Variants in CSMD1 observed in about 807,000 individuals in gnomAD.
CSMD1 encodes CUB and Sushi multiple domains 1.
In CSMD1, 213 loss-of-function variants were observed where a neutral mutation model predicts 417.5. That is an observed-to-expected ratio of 0.51 (90% CI 0.46 to 0.57). The LOEUF is 0.57. Ranked by LOEUF, CSMD1 falls within the 20% of genes least tolerant of loss-of-function variation. The probability of loss-of-function intolerance (pLI) is 0.00; values close to 1 mark genes in which losing one functional copy is unlikely to be tolerated. For synonymous variants in CSMD1, 2,862 were observed against 1,736.8 expected (o/e 1.65, Z -16.11); for missense variants, 6,923 against 4,529.7 (o/e 1.53, Z -15.17).
chr8:3,002,887 A>G lies in CSMD1; in HGVS notation c.8030-2756T>C, dbSNP rs533561994. On this transcript the variant is annotated intron_variant, in intron 52 of 69. Transcript: ENST00000635120. The stretch of plus-strand genomic sequence containing the variant: ...CTGAGGAATTGGCACCAAATGCCTA[A>G]AGAAAACAGAGGATGTCCTTCAAAA... Among the ~76,000 whole-genome samples, 13 of 152,318 alleles carry G rather than the reference A, an allele frequency of 8.5e-5. No individual in the cohort carries two copies. The East Asian group carries it at 2.3e-3, about 27-fold the overall frequency.
chr8:4,662,137 A>T (rs1042215915), intron 1 of CSMD1, among the ~76,000 whole-genome samples: 11 of 152,172 alleles, frequency 7.2e-5, no homozygotes, highest in African/African-American at 2.7e-4. Context: ...ATTGCAGTAC[A>T]ATATATAAAT....
rs191052189 is a variant in CSMD1 at position 3,843,904 on chromosome 8, C to T, written c.819-89862G>A. Among the ~76,000 whole-genome samples, 22 of 152,198 alleles carry T rather than the reference C, an allele frequency of 1.4e-4. No individual in the cohort carries two copies. The East Asian group carries it at 4.3e-3, about 29-fold the overall frequency. On this transcript the variant is annotated intron_variant, in intron 5 of 69. Coordinates refer to ENST00000635120, the MANE Select transcript of CSMD1 (RefSeq NM_033225.6). ...ACAATTTAGAGTAACGTAATTTACA[C>T]CCAGCAGAACTTTCCATTGCATGCG... is the stretch of plus-strand genomic sequence containing the variant.
intron 12 of CSMD1, among the ~76,000 whole-genome samples, chr8:3,412,252 G>T (rs1310787448): frequency 6.6e-6 from 1 of 151,146 alleles, no homozygotes; most frequent in African/African-American, 2.4e-5. Context: ...ATGGGCATTT[G>T]GGTTGGTTCC....
chr8:3,564,848 A>C (rs1466925325), intron 10 of CSMD1, among the ~76,000 whole-genome samples: 1 of 152,026 alleles, frequency 6.6e-6, no homozygotes, highest in Non-Finnish European at 1.5e-5. Flanking sequence ...AAAAAGTTGC[A>C]ACTGTTAAGC....
chr8:3,670,652 A>G (rs1190974614), intron 7 of CSMD1, among the ~76,000 whole-genome samples: 1 of 132,584 alleles, frequency 7.5e-6, no homozygotes, highest in Non-Finnish European at 1.7e-5. Context: ...TGAAGGATAT[A>G]TACATGGGAT....
At position 4,599,510 on chromosome 8, in the gene CSMD1, GT is replaced by G. The variant is rs577419625; in HGVS notation, c.302+37831del. ...AACTTCTAAATTATATAAACCATCA[GT>G]TTTTTTTTTTACACTAAGTGCACAA... is the stretch of plus-strand genomic sequence containing the variant. On this transcript the variant is annotated intron_variant, in intron 2 of 69. Transcript: ENST00000635120. Among the ~76,000 whole-genome samples, 240 of 143,780 alleles carry G rather than the reference GT, an allele frequency of 1.7e-3. 1 individual carries two copies. Among genetic ancestry groups the G allele is most frequent in the East Asian group, 3.8e-3 (19 of 4,970 alleles). The allele number at this position is 143,780 out of a possible 152,430, so 94.3% of individuals were successfully genotyped here.
chr8:4,195,012 C>A (rs147550700), intron 3 of CSMD1, among the ~76,000 whole-genome samples: 1 of 151,770 alleles, frequency 6.6e-6, no homozygotes, highest in African/African-American at 2.4e-5. Context: ...CATCTCTTCA[C>A]ATTGTAACTT....
chr8:3,421,307 T>C (rs1410288863), intron 12 of CSMD1, among the ~76,000 whole-genome samples: 1 of 152,146 alleles, frequency 6.6e-6, no homozygotes, highest in East Asian at 1.9e-4. Context: ...AACAGTTGGA[T>C]ATAGGACGAG....
intron 3 of CSMD1, among the ~76,000 whole-genome samples, chr8:4,367,368 T>C (rs949531875): frequency 5.9e-5 from 9 of 152,130 alleles, no homozygotes; most frequent in African/African-American, 2.2e-4. Flanking sequence ...CACGTGATTG[T>C]AGGTGTATGG....
At chr8:3,108,450 G>A (rs1167090346) in intron 44 of CSMD1, among the ~76,000 whole-genome samples, 153 bp downstream of exon 44, 1 of 152,090 alleles carries the variant, frequency 6.6e-6, no homozygotes, top group African/African-American at 2.4e-5. Flanking sequence ...ACAAAAAAAG[G>A]ACCACAGGAA....
chr8:3,238,034 T>C (rs1173526959), intron 26 of CSMD1, among the ~76,000 whole-genome samples: 1 of 151,898 alleles, frequency 6.6e-6, no homozygotes, highest in African/African-American at 2.4e-5. Flanking sequence ...AGGCTTTGTG[T>C]GAGCAATAAA....
At chr8:3,961,082 C>T (rs571510540) in intron 5 of CSMD1, among the ~76,000 whole-genome samples, 3 of 152,026 alleles carry the variant, frequency 2.0e-5, no homozygotes, top group East Asian at 1.9e-4. Flanking sequence ...CATGAACAAA[C>T]TCAAAGGCTA....
chr8:4,626,576 C>T (rs536683842), intron 2 of CSMD1, among the ~76,000 whole-genome samples: 15 of 152,192 alleles, frequency 9.9e-5, no homozygotes, highest in Non-Finnish European at 8.8e-5. Flanking sequence ...AGACTCAGGG[C>T]ATGGAGCCAA....
At chr8:4,398,860 A>G (rs1804450265) in intron 3 of CSMD1, among the ~76,000 whole-genome samples, 1 of 152,196 alleles carries the variant, frequency 6.6e-6, no homozygotes. Flanking sequence ...TGAAACTTTT[A>G]AACCATAAAA....
At chr8:4,828,430 G>A (rs916964213) in intron 1 of CSMD1, among the ~76,000 whole-genome samples, 1 of 152,146 alleles carries the variant, frequency 6.6e-6, no homozygotes, top group Non-Finnish European at 1.5e-5. Context: ...AAGCAGGGGA[G>A]TTGACAGATA....
intron 2 of CSMD1, among the ~76,000 whole-genome samples, chr8:4,619,947 A>G (rs965326594): frequency 2.0e-5 from 3 of 152,098 alleles, no homozygotes; most frequent in Non-Finnish European, 4.4e-5. Context: ...ATTTATATTT[A>G]TATGCTGAAG....
intron 4 of CSMD1, among the ~76,000 whole-genome samples, chr8:4,021,293 G>C (rs955828973): frequency 2.6e-5 from 4 of 152,104 alleles, no homozygotes; most frequent in East Asian, 1.9e-4. Flanking sequence ...ATAATCCTTT[G>C]GAAGTATGAG....
chr8:4,104,133 A>C (rs767355689), intron 3 of CSMD1, among the ~76,000 whole-genome samples: 6 of 152,228 alleles, frequency 3.9e-5, no homozygotes, highest in Non-Finnish European at 8.8e-5. Context: ...GTGTTGATTC[A>C]GTCCCTCGTC....
intron 11 of CSMD1, among the ~76,000 whole-genome samples, chr8:3,491,962 C>G (rs1195913966): frequency 1.3e-5 from 2 of 152,140 alleles, no homozygotes; most frequent in Admixed American, 6.6e-5. Context: ...CCCAGAGGTC[C>G]CGGCCTCCAC....
Sources: gnomAD v4.1 joint callset for allele counts (sites outside exome capture counted in the v4.1 genomes callset) on GRCh38, gnomAD v4.1.1 for gene constraint, MANE v1.5 for transcripts, NCBI Gene and HGNC (gene_info 2026-07-23, HGNC 2026-07-21) for gene names.